The following MBD5 variants were observed in gnomAD, a reference collection of about 807,000 sequenced individuals.
MBD5 encodes the protein methyl-CpG-binding domain protein 5.
MBD5 carries 13 observed loss-of-function variants against 117.3 expected under a neutral mutation model. The observed-to-expected ratio is 0.11, with a 90% CI of 0.07 to 0.18. The LOEUF is 0.18. Ranked by LOEUF, MBD5 falls within the 10% of genes least tolerant of loss-of-function variation. The probability of loss-of-function intolerance (pLI) is 1.00; values close to 1 mark genes in which losing one functional copy is unlikely to be tolerated. For missense variants in MBD5, 1,879 were observed against 2,093.8 expected (o/e 0.90, Z 2.00); for synonymous variants, 727 against 766.4 (o/e 0.95, Z 0.85).
chr2:148,280,131 C>CAAAAAAAAAAAAAAA (rs3076398), intron 3 of MBD5, among the ~76,000 whole-genome samples: 996 of 90,634 alleles, frequency 0.011, 2 homozygotes, highest in East Asian at 0.019. Flanking sequence ...AAACTAACTG[C>CAAAAAAAAAAAAAAA]AAAAAAAAAA....
intron 1 of MBD5, among the ~76,000 whole-genome samples, chr2:148,067,395 C>A (rs547538301): frequency 6.6e-6 from 1 of 152,068 alleles, no homozygotes; most frequent in Non-Finnish European, 1.5e-5. Flanking sequence ...ATAGAGCAAG[C>A]TAAACAAAAC....
intron 3 of MBD5, among the ~76,000 whole-genome samples, chr2:148,282,025 G>A (rs1701260165): frequency 6.6e-6 from 1 of 152,098 alleles, no homozygotes; most frequent in African/African-American, 2.4e-5. Flanking sequence ...CTGTTACACA[G>A]TGACTTTTAT....
intron 3 of MBD5, among the ~76,000 whole-genome samples, chr2:148,324,062 G>C (rs1702373017): frequency 6.6e-6 from 1 of 152,076 alleles, no homozygotes; most frequent in South Asian, 2.1e-4. Flanking sequence ...TTTACATATG[G>C]CTAGCCAGTT....
chr2:148,468,721 G>T lies in MBD5; in HGVS notation c.778G>T (p.Ala260Ser), dbSNP rs1283072143. The T allele has an allele frequency of 6.2e-7, 1 of 1,613,904 alleles. No individual in the cohort carries two copies. The highest frequency in any genetic ancestry group is 1.7e-5 in the Admixed American group (1 of 59,988). Residue 260 changes from alanine (A) to serine (S), a missense_variant, in exon 8 of 14, where the codon GCT (alanine) becomes TCT (serine). Ala to Ser is a moderately conservative substitution (Grantham distance 99). This residue lies in a region of MBD5 where 1,666 missense variants were observed against 1,792.2 expected (regional missense o/e 0.93). Transcript: ENST00000642680. ...FTRSNPGFHG[A>S]PNSSPIHLNR... ...AAGAAGTAATCCTGGTTTTCATGGA[G>T]CTCCCAATTCTAGTCCTATTCACCT...
intron 13 of MBD5, chr2:148,512,293 C>CAATTTCAG (rs1682243299): frequency 1.2e-5 from 2 of 172,648 alleles, no homozygotes; most frequent in Non-Finnish European, 2.5e-5. Context: ...CCAGACTACA[C>CAATTTCAG]AATTTCAGAT....
At chr2:148,369,317 A>T (rs1290823466) in intron 4 of MBD5, among the ~76,000 whole-genome samples, 1 of 152,174 alleles carries the variant, frequency 6.6e-6, no homozygotes, top group Non-Finnish European at 1.5e-5. Flanking sequence ...TCAATCTATA[A>T]AATCCCACAA....
At chr2:148,176,420 T>C (rs1698390425) in intron 1 of MBD5, among the ~76,000 whole-genome samples, 1 of 151,966 alleles carries the variant, frequency 6.6e-6, no homozygotes, top group Admixed American at 6.6e-5. Flanking sequence ...TTTTTTTTTT[T>C]TTGAGACAGA....
At chr2:148,069,097 GAAAA>G (rs950163005) in intron 1 of MBD5, among the ~76,000 whole-genome samples, 1 of 151,910 alleles carries the variant, frequency 6.6e-6, no homozygotes, top group African/African-American at 2.4e-5. Context: ...GGATACATGA[GAAAA>G]AAAATTCAGA....
At chr2:148,195,885 A>G (rs1005480374) in intron 2 of MBD5, among the ~76,000 whole-genome samples, 3 of 152,236 alleles carry the variant, frequency 2.0e-5, no homozygotes. Flanking sequence ...TGCAACTAAC[A>G]CATGGCTTAG....
intron 1 of MBD5, among the ~76,000 whole-genome samples, chr2:148,166,028 G>C (rs1698118592): frequency 6.6e-6 from 1 of 152,026 alleles, no homozygotes; most frequent in Admixed American, 6.6e-5. Flanking sequence ...ATTGTCACCT[G>C]TGAAATCTAA....
intron 1 of MBD5, among the ~76,000 whole-genome samples, chr2:148,154,904 C>T (rs550156988): frequency 2.4e-4 from 36 of 152,246 alleles, no homozygotes; most frequent in Middle Eastern, 3.4e-3. Flanking sequence ...GCGTCGCTCA[C>T]GCTGGGAGCT....
chr2:148,261,708 TC>T (rs1700737577), intron 3 of MBD5, among the ~76,000 whole-genome samples: 1 of 152,242 alleles, frequency 6.6e-6, no homozygotes, highest in Admixed American at 6.5e-5. Flanking sequence ...TTAATTTGCT[TC>T]AATAACTTTT....
At chr2:148,059,454 T>C (rs570413603) in intron 1 of MBD5, among the ~76,000 whole-genome samples, 2 of 152,228 alleles carry the variant, frequency 1.3e-5, no homozygotes, top group Non-Finnish European at 2.9e-5. Context: ...CATTAGTTTA[T>C]TGGAAATTTA....
intron 1 of MBD5, among the ~76,000 whole-genome samples, chr2:148,156,649 G>T (rs1697884178): frequency 6.6e-6 from 1 of 152,002 alleles, no homozygotes. Context: ...GATTTTTTTA[G>T]TTTTTATTTT....
chr2:148,149,881 T>G (rs1488894112), intron 1 of MBD5, among the ~76,000 whole-genome samples: 92 of 147,482 alleles, frequency 6.2e-4, no homozygotes, highest in African/African-American at 1.5e-3. Context: ...TTTCTCCCAT[T>G]TTGTAGGTTG....
intron 1 of MBD5, among the ~76,000 whole-genome samples, chr2:148,144,514 T>C (rs1342720233): frequency 2.6e-5 from 4 of 152,240 alleles, no homozygotes; most frequent in Admixed American, 2.6e-4. Flanking sequence ...AGTCATGAAG[T>C]CCTTGCCCAT....
At chr2:148,384,732 CA>C (rs1217227513) in intron 4 of MBD5, among the ~76,000 whole-genome samples, 2 of 151,930 alleles carry the variant, frequency 1.3e-5, no homozygotes, top group Admixed American at 6.6e-5. Context: ...CTACAGTAAC[CA>C]AAACAGCATG....
At chr2:148,320,114 T>C (rs992603045) in intron 3 of MBD5, among the ~76,000 whole-genome samples, 2 of 152,210 alleles carry the variant, frequency 1.3e-5, no homozygotes, top group Non-Finnish European at 2.9e-5. Flanking sequence ...TGGTATGTTA[T>C]GTTTTTGATG....
rs1480609393 is a variant in MBD5, at chr2:148,462,663, A to G, written c.195A>G (p.Glu65=). The G allele has an allele frequency of 3.1e-6, 5 of 1,610,014 alleles. No homozygotes were observed. The highest frequency in any genetic ancestry group is 4.2e-6 in the Non-Finnish European group (5 of 1,176,782). ...ATGGAACATGCAAGTGTGGCTTGGA[A>G]TGTCCTCTTATTCTTCCCAAGGTAA... ...LTDGTCKCGL[E]CPLILPKVFN... The change falls in exon 6 of 14, where the codon GAA becomes GAG. Residue 65 remains glutamate (E), a synonymous_variant. Transcript: ENST00000642680.
Sources: allele counts gnomAD v4.1 joint callset (sites outside exome capture counted in the v4.1 genomes callset), GRCh38; gene constraint gnomAD v4.1.1; regional missense constraint gnomAD v4.1.1; transcripts MANE v1.5; gene names NCBI Gene and HGNC (gene_info 2026-07-23, HGNC 2026-07-21).